PCDH15: variants seen among roughly 807,000 people sequenced by gnomAD.
PCDH15 encodes protocadherin-15.
In PCDH15, 129 loss-of-function variants were observed where a neutral mutation model predicts 178.5. The observed-to-expected ratio is 0.72, with a 90% CI of 0.63 to 0.84. PCDH15 has a LOEUF of 0.84. Ranked by LOEUF, PCDH15 falls within the 40% of genes least tolerant of loss-of-function variation. PCDH15 has a pLI of 0.00. For missense variants in PCDH15, 2,230 were observed against 2,099.9 expected, an observed-to-expected ratio of 1.06 and a Z score of -1.21; for synonymous variants, 800 against 732.0, an observed-to-expected ratio of 1.09 and a Z score of -1.50.
At chr10:54,946,238 C>T (rs1014610251) in intron 2 of PCDH15, among the ~76,000 whole-genome samples, 4 of 151,788 alleles carry the variant, frequency 2.6e-5, no homozygotes, top group Non-Finnish European at 5.9e-5. Context: ...AGGGTATAGG[C>T]TCCCTTCCTC....
intron 2 of PCDH15, among the ~76,000 whole-genome samples, chr10:55,098,933 A>AGAGAGAGAGAGAGAGAGAGAGCTC: frequency 7.6e-6 from 1 of 131,466 alleles, no homozygotes; most frequent in Non-Finnish European, 1.7e-5. Context: ...AGAGAGAGAG[A>AGAGAGAGAGAGAGAGAGAGAGCTC]GCTCTTATCC....
At chr10:53,814,944 T>A (rs887114319) in intron 35 of PCDH15, among the ~76,000 whole-genome samples, 2 of 138,152 alleles carry the variant, frequency 1.4e-5, no homozygotes, top group African/African-American at 5.6e-5. Context: ...AGCCTGGCGA[T>A]GGAACAAGAA....
At chr10:53,897,877 T>A (rs1009521272) in intron 26 of PCDH15, among the ~76,000 whole-genome samples, 8 of 151,978 alleles carry the variant, frequency 5.3e-5, no homozygotes, top group African/African-American at 1.9e-4. Context: ...CCTTTAGGAC[T>A]AAATAATATT....
rs1235798403 is a variant in PCDH15, at chr10:53,810,818, T to C, written c.4563-154A>G. The C allele has an allele frequency of 3.5e-5, 25 of 704,590 alleles. 1 individual carries two copies. In the East Asian group the frequency reaches 6.5e-4, roughly 18 times the overall value. The allele number at this position is 704,590 out of a possible 1,614,324, so 43.6% of individuals were successfully genotyped here. A position where few individuals can be genotyped will look rare whatever the true frequency, so the allele number is the denominator to read the frequency against. ...TCCTTGTAAACTAGTTACAAAACTA[T>C]AGAGTAAGAACTGCTACCTGATGAC... On this transcript the variant is annotated intron_variant, in intron 36 of 37. Coordinates refer to ENST00000644397, the MANE Select transcript of PCDH15 (RefSeq NM_001384140.1).
intron 26 of PCDH15, among the ~76,000 whole-genome samples, chr10:53,876,446 A>G (rs7086045): frequency 0.64 from 96,746 of 151,904 alleles, 31,528 homozygotes; most frequent in Middle Eastern, 0.78. Flanking sequence ...TCGGCCTCCC[A>G]AAGTGCTGGG....
intron 2 of PCDH15, among the ~76,000 whole-genome samples, chr10:55,334,099 C>A (rs1664948129): frequency 1.3e-5 from 2 of 150,350 alleles, no homozygotes. Context: ...CCACTTCAAG[C>A]CCTAGGTATA....
chr10:55,182,459 C>A (rs1839676038), intron 1 of PCDH15, among the ~76,000 whole-genome samples: 1 of 151,910 alleles, frequency 6.6e-6, no homozygotes, highest in Admixed American at 6.6e-5. Context: ...ATCATTCCAC[C>A]TGGAATTAAG....
intron 2 of PCDH15, among the ~76,000 whole-genome samples, chr10:55,449,489 T>C (rs1839387601): frequency 6.6e-6 from 1 of 152,016 alleles, no homozygotes; most frequent in African/African-American, 2.4e-5. Context: ...TTGCCCTGTC[T>C]AAAATGAGAG....
chr10:55,371,065 T>C (rs1845496771), intron 2 of PCDH15, among the ~76,000 whole-genome samples: 1 of 152,114 alleles, frequency 6.6e-6, no homozygotes, highest in Admixed American at 6.6e-5. Flanking sequence ...TGCATCATAG[T>C]TTTAGCATGG....
At chr10:54,950,740 A>G (rs1838318705) in intron 2 of PCDH15, among the ~76,000 whole-genome samples, 1 of 151,956 alleles carries the variant, frequency 6.6e-6, no homozygotes, top group African/African-American at 2.4e-5. Flanking sequence ...AACCACTCCT[A>G]TGATTCATTG....
intron 23 of PCDH15, among the ~76,000 whole-genome samples, chr10:53,947,208 G>C (rs1436060320): frequency 6.6e-6 from 1 of 152,114 alleles, no homozygotes; most frequent in Non-Finnish European, 1.5e-5. Flanking sequence ...ATGTCTAAAT[G>C]TTAGACCCAG....
chr10:54,124,437 TGTACTTAATGCCAAAG>T (rs1390037505), intron 15 of PCDH15, among the ~76,000 whole-genome samples: 1 of 151,990 alleles, frequency 6.6e-6, no homozygotes, highest in Non-Finnish European at 1.5e-5. Flanking sequence ...AAAATGTGAA[TGTACTTAATGCCAAAG>T]ATGGTTATAA....
chr10:54,923,157 A>G lies in PCDH15; in HGVS notation c.-79-25657T>C, dbSNP rs143304957. Among the ~76,000 whole-genome samples the G allele has an allele frequency of 7.3e-3, 1,004 of 138,388 alleles. 112 individuals are homozygous for G. Among genetic ancestry groups the G allele is most frequent in the African/African-American group, 0.023 (906 of 40,152 alleles). 90.8% of individuals were successfully genotyped at this position (138,388 alleles called of 152,430 possible). On this transcript the variant is annotated intron_variant, in intron 2 of 5. Coordinates refer to the PCDH15 transcript ENST00000458638. ...CTTGAGGATTGTACCCTCTGAAGCAACAGCCCAGGCTGTATTTTGGCCCCT... is the reference window on the plus strand; with the variant it reads ...CTTGAGGATTGTACCCTCTGAAGCAGCAGCCCAGGCTGTATTTTGGCCCCT...
chr10:55,106,659 A>G (rs1003466984), intron 2 of PCDH15, among the ~76,000 whole-genome samples: 1 of 152,070 alleles, frequency 6.6e-6, no homozygotes, highest in African/African-American at 2.4e-5. Flanking sequence ...CAGGTGATCC[A>G]CCCACCTCGG....
intron 18 of PCDH15, among the ~76,000 whole-genome samples, chr10:54,044,632 T>C (rs2135548992): frequency 6.6e-6 from 1 of 152,180 alleles, no homozygotes; most frequent in East Asian, 1.9e-4. Context: ...AAATGTATCA[T>C]AGCAATCAGC....
intron 35 of PCDH15, among the ~76,000 whole-genome samples, chr10:53,814,001 G>C (rs993193771): frequency 9.2e-5 from 14 of 152,014 alleles, no homozygotes; most frequent in Non-Finnish European, 8.8e-5. Flanking sequence ...TGAAGTGTGG[G>C]GGAAGGAATG....
chr10:55,574,704 T>C (rs1326172641), intron 2 of PCDH15, among the ~76,000 whole-genome samples: 1 of 152,056 alleles, frequency 6.6e-6, no homozygotes, highest in African/African-American at 2.4e-5. Context: ...AATATGGTGA[T>C]AGTATTTTTG....
intron 3 of PCDH15, among the ~76,000 whole-genome samples, chr10:54,866,898 T>C (rs1305064863): frequency 6.6e-6 from 1 of 152,190 alleles, no homozygotes; most frequent in Non-Finnish European, 1.5e-5. Flanking sequence ...GAGCTTGCAC[T>C]GAACAAGGAA....
rs1284983952 is a variant in PCDH15 at position 55,606,355 on chromosome 10, C to A, written c.-156+21270G>T. Among the ~76,000 whole-genome samples the A allele has an allele frequency of 7.8e-4, 107 of 137,766 alleles. 1 individual carries two copies. The highest frequency in any genetic ancestry group is 3.8e-3 in the Middle Eastern group (1 of 264). 90.4% of individuals were successfully genotyped at this position (137,766 alleles called of 152,430 possible). On this transcript the variant is annotated intron_variant, in intron 2 of 5. Coordinates refer to the PCDH15 transcript ENST00000613346. Reference sequence around the variant, plus strand: ...TTTACAGATTCAATGCCATCCCCATCAAGCTACCAATGCCTTTCTTCACAG... The same window carrying A: ...TTTACAGATTCAATGCCATCCCCATAAAGCTACCAATGCCTTTCTTCACAG...
Sources: gnomAD v4.1 joint callset for allele counts (sites outside exome capture counted in the v4.1 genomes callset) on GRCh38, gnomAD v4.1.1 for gene constraint, MANE v1.5 for transcripts, NCBI Gene and HGNC (gene_info 2026-07-23, HGNC 2026-07-21) for gene names.